PPP1R3E: variants seen among roughly 807,000 people sequenced by gnomAD.
PPP1R3E encodes protein phosphatase 1, regulatory (inhibitor) subunit 3E.
A neutral mutation model predicts 18.5 loss-of-function variants in PPP1R3E; 20 were observed. That is an observed-to-expected ratio of 1.08 (90% CI 0.76 to 1.58). The LOEUF is 1.58. PPP1R3E is among the 40% of genes most tolerant of loss of function. The pLI is 0.00. For missense variants in PPP1R3E, 498 were observed against 460.2 expected (o/e 1.08, Z -0.75); for synonymous variants, 208 against 208.1 (o/e 1.00, Z 0.00).
rs1886867412 is a variant in PPP1R3E, at chr14:23,295,963, C to T, written c.*3341G>A. On this transcript the variant is annotated 3_prime_UTR_variant, in exon 5 of 5. Coordinates refer to ENST00000452015, the MANE Select transcript of PPP1R3E (RefSeq NM_001276318.2). ...TTATTTAAAATATGAGGTTTTATGT[C>T]CAGAAGGGAGGGCAGTTGCCCATGG... 1.3e-5 allele frequency: 2 copies of T among 153,144 alleles called. No individual in the cohort carries two copies. The highest frequency in any genetic ancestry group is 4.1e-4 in the South Asian group (2 of 4,918). The allele number at this position is 153,144 out of a possible 1,614,324, so 9.5% of individuals were successfully genotyped here.
Position 23,297,516 on chromosome 14 carries a change from G to A in PPP1R3E, c.*1788C>T, listed in dbSNP as rs1424714083. 2 of 152,250 alleles carry A rather than the reference G, an allele frequency of 1.3e-5. No homozygotes were observed. The highest frequency in any genetic ancestry group is 2.9e-5 in the Non-Finnish European group (2 of 68,070). 9.4% of individuals were successfully genotyped at this position (152,250 alleles called of 1,614,324 possible). On this transcript the variant is annotated 3_prime_UTR_variant, in exon 5 of 5. Transcript: ENST00000452015. ...GGAAAATCTCAGTGCTGAAGTCCTGGGAGAGGAGTACACACCAAAGCCATC... is the reference window on the plus strand; with the variant it reads ...GGAAAATCTCAGTGCTGAAGTCCTGAGAGAGGAGTACACACCAAAGCCATC...
rs1436903422 is a variant in PPP1R3E at position 23,301,964 on chromosome 14, CG to C, written c.418-107del. On this transcript the variant is annotated intron_variant, in intron 1 of 4. Coordinates refer to ENST00000452015, the MANE Select transcript of PPP1R3E (RefSeq NM_001276318.2). ...TGGACCAATCAGAGGCCGACCCCGG[CG>C]TCCAGGCCGGCAGAGTGCGGCCCAG... 13 of 1,296,382 alleles carry C rather than the reference CG, an allele frequency of 1.0e-5. No homozygotes were observed. The Admixed American group carries it at 3.5e-4, about 34-fold the overall frequency. The allele number at this position is 1,296,382 out of a possible 1,614,324, so 80.3% of individuals were successfully genotyped here. A position where few individuals can be genotyped will look rare whatever the true frequency, so the allele number is the denominator to read the frequency against.
Position 23,302,035 on chromosome 14 carries a change from G to A in PPP1R3E, c.417+125C>T, listed in dbSNP as rs1887060098. ...CCACTCGCAGATGGGGTCCCCAAAAGGGATGGGCAGGCGCAAGCCCAGGGA... is the reference window on the plus strand; with the variant it reads ...CCACTCGCAGATGGGGTCCCCAAAAAGGATGGGCAGGCGCAAGCCCAGGGA... On this transcript the variant is annotated intron_variant, in intron 1 of 4. Coordinates refer to ENST00000452015, the MANE Select transcript of PPP1R3E (RefSeq NM_001276318.2). 4.7e-6 allele frequency: 6 copies of A among 1,263,210 alleles called. No individual in the cohort carries two copies. The East Asian group carries it at 1.8e-4, about 38-fold the overall frequency. The allele number at this position is 1,263,210 out of a possible 1,614,324, so 78.3% of individuals were successfully genotyped here.
rs1886902025 is a variant in PPP1R3E, at chr14:23,297,212, T to C, written c.*2092A>G. The C allele has an allele frequency of 6.6e-6, 1 of 152,226 alleles. No individual in the cohort carries two copies. The highest frequency in any genetic ancestry group is 2.4e-5 in the African/African-American group (1 of 41,440). 9.4% of individuals were successfully genotyped at this position (152,226 alleles called of 1,614,324 possible). On this transcript the variant is annotated 3_prime_UTR_variant, in exon 5 of 5. Transcript: ENST00000452015. ...GAGGAGTTTCCACTACAATGCCTAA[T>C]GCGTAACACATTAATAGGGTGGCTG...
rs1887036593 is a variant in PPP1R3E, at chr14:23,301,550, C to T, written c.726G>A (p.Val242=). 5 of 1,496,074 alleles carry T rather than the reference C, an allele frequency of 3.3e-6. No individual in the cohort carries two copies. The highest frequency in any genetic ancestry group is 2.8e-5 in the East Asian group (1 of 35,566). The allele number at this position is 1,496,074 out of a possible 1,614,324, so 92.7% of individuals were successfully genotyped here. The part of the protein sequence containing the change: ...GALLFALRYR[V]TGHEFWDNNG... ...TGTTGTCCCAGAACTCGTGACCTGT[C>T]ACACGGTAGCGCAAGGCGAAGAGCA... The change falls in exon 2 of 5, where the codon GTG becomes GTA. Residue 242 remains valine (V), a synonymous_variant. Transcript: ENST00000452015.
chr14:23,301,766 G>A lies in PPP1R3E; in HGVS notation c.510C>T (p.Gly170=), dbSNP rs756687089. ...GCGCGCTCCCGGCCACGCCCAGCGG[G>A]CCCGCCTCGGCGCGTTCCAGGCAGA... ...QRICLERAEA[G]PLGVAGSARV... The change falls in exon 2 of 5, where the codon GGC becomes GGT. Residue 170 remains glycine, a synonymous_variant. Transcript: ENST00000452015. 7.0e-7 allele frequency: 1 copy of A among 1,429,514 alleles called. No homozygotes were observed. Among genetic ancestry groups the A allele is most frequent in the South Asian group, 1.4e-5 (1 of 71,450 alleles). 88.6% of individuals were successfully genotyped at this position (1,429,514 alleles called of 1,614,324 possible).
Position 23,297,840 on chromosome 14 carries a change from GAA to G in PPP1R3E, c.*1462_*1463del, listed in dbSNP as rs962671834. On this transcript the variant is annotated 3_prime_UTR_variant, in exon 5 of 5. Coordinates refer to ENST00000452015, the MANE Select transcript of PPP1R3E (RefSeq NM_001276318.2). ...GGAGAGTGAGCCAGGGTACTTCTGA[GAA>G]AGAGGTCAGGGAACAGGATTATCAT... The G allele has an allele frequency of 1.3e-5, 2 of 152,256 alleles. No homozygotes were observed. The highest frequency in any genetic ancestry group is 2.4e-5 in the African/African-American group (1 of 41,450). 9.4% of individuals were successfully genotyped at this position (152,256 alleles called of 1,614,324 possible).
chr14:23,301,555 G>C lies in PPP1R3E; in HGVS notation c.721C>G (p.Arg241Gly), dbSNP rs765562804. 3 of 1,484,174 alleles carry C rather than the reference G, an allele frequency of 2.0e-6. No homozygotes were observed. The highest frequency in any genetic ancestry group is 2.7e-6 in the Non-Finnish European group (3 of 1,120,320). 91.9% of individuals were successfully genotyped at this position (1,484,174 alleles called of 1,614,324 possible). A position where few individuals can be genotyped will look rare whatever the true frequency, so the allele number is the denominator to read the frequency against. The part of the protein sequence containing the change: ...GGALLFALRY[R>G]VTGHEFWDNN... ...TCCCAGAACTCGTGACCTGTCACAC[G>C]GTAGCGCAAGGCGAAGAGCAGGGCG... Residue 241 changes from arginine (R) to glycine (G), a missense_variant, in exon 2 of 5, where the codon CGT (arginine) becomes GGT (glycine). Coordinates refer to ENST00000452015, the MANE Select transcript of PPP1R3E (RefSeq NM_001276318.2).
Position 23,301,403 on chromosome 14 carries a change from G to C in PPP1R3E, c.*33C>G, listed in dbSNP as rs958615086. On this transcript the variant is annotated 3_prime_UTR_variant, in exon 2 of 5. Transcript: ENST00000452015. ...GTCGCCCCGCCCCCGGGTGCCTTTG[G>C]TGTTTTCCGCCGTCGGCCGCAGGCG... The C allele has an allele frequency of 5.1e-5, 68 of 1,342,976 alleles. No homozygotes were observed. The highest frequency in any genetic ancestry group is 6.2e-5 in the Non-Finnish European group (65 of 1,043,854). 83.2% of individuals were successfully genotyped at this position (1,342,976 alleles called of 1,614,324 possible). A position where few individuals can be genotyped will look rare whatever the true frequency, so the allele number is the denominator to read the frequency against.
chr14:23,301,946 A>G lies in PPP1R3E; in HGVS notation c.418-88T>C, dbSNP rs10130210. The G allele has an allele frequency of 1.3e-3, 1,758 of 1,322,846 alleles. 21 individuals carry two copies. In the African/African-American group the frequency reaches 0.024, roughly 18 times the overall value. 81.9% of individuals were successfully genotyped at this position (1,322,846 alleles called of 1,614,324 possible). ...GGTGTCAGAGCAAGGCACTGGACCA[A>G]TCAGAGGCCGACCCCGGCGTCCAGG... On this transcript the variant is annotated intron_variant, in intron 1 of 4. Transcript: ENST00000452015.
Position 23,301,875 on chromosome 14 carries a change from G to A in PPP1R3E, c.418-17C>T. Reference sequence around the variant, plus strand: ...GCGCGCCTCCTGGGGGAAAGAAGAAGCGGGAGGAGGGAGCCCAGGGCGGAG... The same window carrying A: ...GCGCGCCTCCTGGGGGAAAGAAGAAACGGGAGGAGGGAGCCCAGGGCGGAG... On this transcript the variant is annotated splice_polypyrimidine_tract_variant and intron_variant, in intron 1 of 4. Coordinates refer to ENST00000452015, the MANE Select transcript of PPP1R3E (RefSeq NM_001276318.2). 1 of 1,423,550 alleles carries A rather than the reference G, an allele frequency of 7.0e-7. No homozygotes were observed. The highest frequency in any genetic ancestry group is 9.1e-7 in the Non-Finnish European group (1 of 1,099,520). 88.2% of individuals were successfully genotyped at this position (1,423,550 alleles called of 1,614,324 possible). A position where few individuals can be genotyped will look rare whatever the true frequency, so the allele number is the denominator to read the frequency against.
rs1393590410 is a variant in PPP1R3E at position 23,302,597 on chromosome 14, G to C, written c.-21C>G. 1 of 1,405,542 alleles carries C rather than the reference G, an allele frequency of 7.1e-7. No individual in the cohort carries two copies. Among genetic ancestry groups the C allele is most frequent in the Non-Finnish European group, 9.2e-7 (1 of 1,089,416 alleles). 87.1% of individuals were successfully genotyped at this position (1,405,542 alleles called of 1,614,324 possible). ...GACATGGCAGCCCCTTCCCCGGCGG[G>C]GCCAGCTCGCAGCGCCACCGCGCTC... is the stretch of plus-strand genomic sequence containing the variant. On this transcript the variant is annotated 5_prime_UTR_variant, in exon 1 of 5. Transcript: ENST00000452015.
At position 23,301,865 on chromosome 14, in the gene PPP1R3E, G is replaced by A. The variant is rs1012504043; in HGVS notation, c.418-7C>T. The A allele has an allele frequency of 7.0e-6, 10 of 1,426,642 alleles. No individual in the cohort carries two copies. The Admixed American group carries it at 9.7e-5, about 14-fold the overall frequency. The allele number at this position is 1,426,642 out of a possible 1,614,324, so 88.4% of individuals were successfully genotyped here. ...CCAGGGCGGCGCGCGCCTCCTGGGG[G>A]AAAGAAGAAGCGGGAGGAGGGAGCC... On this transcript the variant is annotated splice_polypyrimidine_tract_variant and splice_region_variant and intron_variant, in intron 1 of 4. Coordinates refer to ENST00000452015, the MANE Select transcript of PPP1R3E (RefSeq NM_001276318.2).
Position 23,302,385 on chromosome 14 carries a change from G to A in PPP1R3E, c.192C>T (p.Ala64=), listed in dbSNP as rs1324703274. ...RAHAPSRGRR[A]RSAPAGGGGA... ...CGCCGCCTCCGGCTGGTGCAGATCG[G>A]GCCCGGCGGCCCCGACTCGGTGCGT... Residue 64 remains alanine (A), a synonymous_variant, in exon 1 of 5, where the codon GCC becomes GCT. Coordinates refer to ENST00000452015, the MANE Select transcript of PPP1R3E (RefSeq NM_001276318.2). 4 of 1,489,266 alleles carry A rather than the reference G, an allele frequency of 2.7e-6. No homozygotes were observed. In the East Asian group the frequency reaches 1.1e-4, roughly 41 times the overall value. The allele number at this position is 1,489,266 out of a possible 1,614,324, so 92.3% of individuals were successfully genotyped here.
chr14:23,301,482 C>T lies in PPP1R3E; in HGVS notation c.794G>A (p.Gly265Asp). 6.8e-7 allele frequency: 1 copy of T among 1,469,722 alleles called. No individual in the cohort carries two copies. The highest frequency in any genetic ancestry group is 9.0e-7 in the Non-Finnish European group (1 of 1,113,508). The allele number at this position is 1,469,722 out of a possible 1,614,324, so 91.0% of individuals were successfully genotyped here. Residue 265 changes from glycine to aspartate, a missense_variant, in exon 2 of 5, where the codon GGC becomes GAC. Gly to Asp is a moderately conservative substitution (Grantham distance 94, BLOSUM62 -1). Coordinates refer to ENST00000452015, the MANE Select transcript of PPP1R3E (RefSeq NM_001276318.2). Reference protein sequence around the residue: ...DYALRGPEHPGSGGAPEPQGW... With the variant: ...DYALRGPEHPDSGGAPEPQGW... ...CTGCGGCTCCGGAGCTCCGCCACTG[C>T]CCGGGTGCTCGGGCCCACGTAGAGC...
chr14:23,300,712 G>C (rs1887004771), intron 3 of PPP1R3E, 46 bp downstream of exon 3: 1 of 152,252 alleles, frequency 6.6e-6, no homozygotes, highest in South Asian at 2.1e-4. Context: ...TTTGGCCTCC[G>C]TTTTAATCCC....
chr14:23,299,900 A>T (rs1160835782), intron 3 of PPP1R3E, among the ~76,000 whole-genome samples: 1 of 137,122 alleles, frequency 7.3e-6, no homozygotes, highest in African/African-American at 2.7e-5. Flanking sequence ...TTTACTATTC[A>T]AGTTGCTTTG....
chr14:23,298,712 T>C lies in PPP1R3E; in HGVS notation c.*592A>G, dbSNP rs1886943555. 1 of 154,406 alleles carries C rather than the reference T, an allele frequency of 6.5e-6. No homozygotes were observed. Among genetic ancestry groups the C allele is most frequent in the Admixed American group, 6.5e-5 (1 of 15,292 alleles). The allele number at this position is 154,406 out of a possible 1,614,324, so 9.6% of individuals were successfully genotyped here. On this transcript the variant is annotated 3_prime_UTR_variant, in exon 5 of 5. Coordinates refer to ENST00000452015, the MANE Select transcript of PPP1R3E (RefSeq NM_001276318.2). ...CTATTATCCTCCCATGGGCTCCTAA[T>C]TGATGACTAAACAGTGCATTGCTGG...
rs1356330762 is a variant in PPP1R3E, at chr14:23,302,675, C to T, written c.-99G>A. 1 of 1,238,108 alleles carries T rather than the reference C, an allele frequency of 8.1e-7. No homozygotes were observed. Among genetic ancestry groups the T allele is most frequent in the African/African-American group, 1.6e-5 (1 of 62,258 alleles). 76.7% of individuals were successfully genotyped at this position (1,238,108 alleles called of 1,614,324 possible). A position where few individuals can be genotyped will look rare whatever the true frequency, so the allele number is the denominator to read the frequency against. On this transcript the variant is annotated 5_prime_UTR_variant, in exon 1 of 5. Transcript: ENST00000452015. ...CGCGTCAGCGCAGAAGTCGCTGGGT[C>T]CGCTTCTGCAGCCCCTCGCTGCTGT... is the stretch of plus-strand genomic sequence containing the variant.
Sources: gnomAD v4.1 joint callset for allele counts (sites outside exome capture counted in the v4.1 genomes callset) on GRCh38, gnomAD v4.1.1 for gene constraint, MANE v1.5 for transcripts, NCBI Gene and HGNC (gene_info 2026-07-23, HGNC 2026-07-21) for gene names.